Variants in TOR1AIP1 observed in about 807,000 individuals in gnomAD.
TOR1AIP1 encodes the protein torsin 1A interacting protein 1.
A neutral mutation model predicts 63.3 loss-of-function variants in TOR1AIP1; 54 were observed. The ratio of observed to expected loss-of-function variants is 0.85; its 90% CI spans 0.69 to 1.07. The LOEUF (loss-of-function observed/expected upper bound fraction) is 1.07, where lower values mean the gene tolerates loss of function less well. Among genes scored for constraint, TOR1AIP1 ranks in the 50% least tolerant of loss-of-function variants. The pLI, the probability that TOR1AIP1 is intolerant of heterozygous loss-of-function variation, is 0.00. For missense variants in TOR1AIP1, 736 were observed against 715.0 expected (o/e 1.03, Z -0.33); for synonymous variants, 294 against 273.5 (o/e 1.07, Z -0.74).
Position 179,886,439 on chromosome 1 carries a change from C to T in TOR1AIP1, c.553+1670C>T, listed in dbSNP as rs890243718. Among the ~76,000 whole-genome samples, 8 of 152,320 alleles carry T rather than the reference C, an allele frequency of 5.3e-5. No homozygotes were observed. In the East Asian group the frequency reaches 1.5e-3, roughly 29 times the overall value. On this transcript the variant is annotated intron_variant, in intron 2 of 9. Transcript: ENST00000606911. Reference sequence around the variant, plus strand: ...AGCATTGGACCTCAGTGAAGTTACTCACTCATCTTGAGCCTTAGGCCTTTA... The same window carrying T: ...AGCATTGGACCTCAGTGAAGTTACTTACTCATCTTGAGCCTTAGGCCTTTA...
At chr1:179,915,137 C>G (rs538180078) in intron 9 of TOR1AIP1, among the ~76,000 whole-genome samples, 1 of 152,202 alleles carries the variant, frequency 6.6e-6, no homozygotes, top group South Asian at 2.1e-4. Flanking sequence ...TACAAAAAAT[C>G]CAGCTTTTAT....
rs1363380851 is a variant in TOR1AIP1 at position 179,917,690 on chromosome 1, C to T, written c.1203C>T (p.Ser401=). 1 of 1,614,062 alleles carries T rather than the reference C, an allele frequency of 6.2e-7. No homozygotes were observed. The highest frequency in any genetic ancestry group is 1.3e-5 in the African/African-American group (1 of 74,916). Residue 401 remains serine (S), a synonymous_variant, in exon 10 of 10, where the codon TCC becomes TCT. Transcript: ENST00000606911. ...TCCTGGAAAAACATCTTAATAGCTC[C>T]CATCCTCGGTCTCAGCCTGCTATCT... The part of the protein sequence containing the change: ...QTFLEKHLNS[S]HPRSQPAILL...
chr1:179,892,027 T>G (rs1278947269), intron 3 of TOR1AIP1, among the ~76,000 whole-genome samples: 1 of 152,258 alleles, frequency 6.6e-6, no homozygotes, highest in Non-Finnish European at 1.5e-5. Flanking sequence ...CTACATTGAA[T>G]GTTGTTAGAC....
rs765739716 is a variant in TOR1AIP1, at chr1:179,907,875, G to A, written c.838+11G>A. ...AACCTTCAGTGCTAAGTAAGTAGTT[G>A]GTTGTCTGCTCTTTTTTCAGCCAAT... On this transcript the variant is annotated intron_variant, in intron 7 of 9. Coordinates refer to ENST00000606911, the MANE Select transcript of TOR1AIP1 (RefSeq NM_015602.4). 5.3e-6 allele frequency: 8 copies of A among 1,508,530 alleles called. No homozygotes were observed. The highest frequency in any genetic ancestry group is 6.3e-6 in the Non-Finnish European group (7 of 1,113,974). 93.4% of individuals were successfully genotyped at this position (1,508,530 alleles called of 1,614,324 possible).
chr1:179,906,221 A>G (rs2148479095), intron 6 of TOR1AIP1, among the ~76,000 whole-genome samples: 1 of 152,316 alleles, frequency 6.6e-6, no homozygotes, highest in East Asian at 1.9e-4. Context: ...TATTTTTAGT[A>G]TAGGCTGAAA....
intron 1 of TOR1AIP1, 68 bp downstream of exon 1, chr1:179,883,045 G>A (rs1558037351): frequency 3.5e-6 from 5 of 1,433,266 alleles, no homozygotes; most frequent in African/African-American, 2.8e-5. Context: ...CGCGCGCCTC[G>A]GTGGAGCTCA....
At chr1:179,883,722 A>C (rs1442840974) in intron 1 of TOR1AIP1, 8 of 456,060 alleles carry the variant, frequency 1.8e-5, no homozygotes, top group Non-Finnish European at 3.1e-5. Flanking sequence ...ACTATTAATT[A>C]GAGTTTTCGT....
chr1:179,908,538 A>G, intron 7 of TOR1AIP1, 67 bp from the exon 8 acceptor site: 1 of 1,274,224 alleles, frequency 7.8e-7, no homozygotes, highest in Non-Finnish European at 1.1e-6. Flanking sequence ...TAATTTTATA[A>G]CACTGGAATA....
intron 3 of TOR1AIP1, among the ~76,000 whole-genome samples, chr1:179,892,908 AAG>A (rs1356258005): frequency 2.6e-5 from 4 of 152,204 alleles, no homozygotes; most frequent in African/African-American, 9.6e-5. Context: ...AAATTTAAAA[AAG>A]AGATTTTCAT....
At chr1:179,914,996 A>G (rs1009888036) in intron 9 of TOR1AIP1, among the ~76,000 whole-genome samples, 1 of 152,208 alleles carries the variant, frequency 6.6e-6, no homozygotes, top group African/African-American at 2.4e-5. Flanking sequence ...ATTTAGCAAG[A>G]AGAGTAACAG....
At position 179,891,641 on chromosome 1, in the gene TOR1AIP1, C is replaced by T. The variant is rs185578350; in HGVS notation, c.610+2272C>T. Among the ~76,000 whole-genome samples, 141 of 152,174 alleles carry T rather than the reference C, an allele frequency of 9.3e-4. 1 individual carries two copies. The highest frequency in any genetic ancestry group is 3.4e-3 in the African/African-American group (139 of 41,482). The stretch of plus-strand genomic sequence containing the variant: ...AGTGCAATGGCGTGATCTTGGCCCA[C>T]TGCAACTTCTGCCTCCCTGGTTCAA... On this transcript the variant is annotated intron_variant, in intron 3 of 9. Coordinates refer to ENST00000606911, the MANE Select transcript of TOR1AIP1 (RefSeq NM_015602.4).
intron 5 of TOR1AIP1, among the ~76,000 whole-genome samples, 162 bp from the exon 6 acceptor site, chr1:179,903,804 C>T (rs544655403): frequency 2.0e-5 from 3 of 152,274 alleles, no homozygotes; most frequent in African/African-American, 7.2e-5. Flanking sequence ...CCACTGCACC[C>T]AGCCTAGAAA....
At chr1:179,889,004 G>T (rs1647983861) in intron 2 of TOR1AIP1, among the ~76,000 whole-genome samples, 1 of 152,078 alleles carries the variant, frequency 6.6e-6, no homozygotes, top group South Asian at 2.1e-4. Flanking sequence ...TACAGATTTT[G>T]GTTCTTAATT....
At chr1:179,883,538 G>A (rs946829439) in intron 1 of TOR1AIP1, 21 of 443,926 alleles carry the variant, frequency 4.7e-5, no homozygotes, top group African/African-American at 4.2e-4. Flanking sequence ...TACTTTCACC[G>A]AAATGGGGTA....
At chr1:179,884,634 C>T (rs1329313034) in intron 1 of TOR1AIP1, 58 bp from the exon 2 acceptor site, 24 of 1,382,970 alleles carry the variant, frequency 1.7e-5, no homozygotes, top group Non-Finnish European at 2.4e-5. Flanking sequence ...ATAATCTGTG[C>T]CATGATCTCC....
Position 179,882,930 on chromosome 1 carries a change from C to G in TOR1AIP1, c.428C>G (p.Ser143Cys). 6.2e-7 allele frequency: 1 copy of G among 1,614,032 alleles called. No homozygotes were observed. The highest frequency in any genetic ancestry group is 1.3e-5 in the African/African-American group (1 of 75,060). Residue 143 changes from serine to cysteine, a missense_variant, in exon 1 of 10, where the codon TCT becomes TGT. Around this residue, in one of 2 missense-constraint regions of TOR1AIP1, gnomAD observed 464 missense variants for 371.0 expected, o/e 1.25. Transcript: ENST00000606911. The stretch of plus-strand genomic sequence containing the variant: ...TCAGAGCAGCCTCCGCTACAGCCGT[C>G]TCCTGTTATGACCAGGAGAGGGCTG... ...QHSEQPPLQP[S>C]PVMTRRGLRD...
chr1:179,892,776 GAACT>G (rs1648138186), intron 3 of TOR1AIP1, among the ~76,000 whole-genome samples: 3 of 151,398 alleles, frequency 2.0e-5, no homozygotes, highest in African/African-American at 7.3e-5. Flanking sequence ...AGAGAACTTG[GAACT>G]GAAATAACCT....
At chr1:179,886,210 G>A (rs938757453) in intron 2 of TOR1AIP1, among the ~76,000 whole-genome samples, 22 of 152,280 alleles carry the variant, frequency 1.4e-4, no homozygotes, top group African/African-American at 5.1e-4. Flanking sequence ...AAGCAAAAAT[G>A]TCTAATTTTA....
Position 179,900,877 on chromosome 1 carries a change from T to C in TOR1AIP1, c.653-425T>C, listed in dbSNP as rs150808908. Among the ~76,000 whole-genome samples the C allele has an allele frequency of 3.4e-4, 52 of 152,270 alleles. No individual in the cohort carries two copies. The East Asian group carries it at 3.5e-3, about 10-fold the overall frequency. ...AATCTGAGGGTGGTCACCTGCATAA[T>C]AGAATGTTTGTGTGCAGGTGTGTGT... On this transcript the variant is annotated intron_variant, in intron 4 of 9. Transcript: ENST00000606911.
Sources: allele counts gnomAD v4.1 joint callset (sites outside exome capture counted in the v4.1 genomes callset), GRCh38; gene constraint gnomAD v4.1.1; regional missense constraint gnomAD v4.1.1; transcripts MANE v1.5; gene names NCBI Gene and HGNC (gene_info 2026-07-23, HGNC 2026-07-21).